The following CRADD variants were observed in gnomAD, a reference collection of about 807,000 sequenced individuals.
The protein encoded by CRADD is death domain-containing protein CRADD.
In CRADD, 9 loss-of-function variants were observed where a neutral mutation model predicts 15.5. That is an observed-to-expected ratio of 0.58 (90% CI 0.35 to 1.01). The LOEUF (loss-of-function observed/expected upper bound fraction) is 1.01, where lower values mean the gene tolerates loss of function less well. CRADD is among the 50% of genes least tolerant of loss of function. The pLI, the probability that CRADD is intolerant of heterozygous loss-of-function variation, is 0.02. For missense variants in CRADD, 227 were observed against 250.3 expected (o/e 0.91, Z 0.63); for synonymous variants, 118 against 107.6 (o/e 1.10, Z -0.60).
intron 2 of CRADD, among the ~76,000 whole-genome samples, chr12:93,803,916 T>C (rs972311488): frequency 2.6e-5 from 4 of 152,124 alleles, no homozygotes; most frequent in Non-Finnish European, 5.9e-5. Context: ...TGCGATGTGA[T>C]GATTTGACCC....
intron 2 of CRADD, among the ~76,000 whole-genome samples, chr12:93,787,094 T>C (rs1159738766): frequency 6.6e-6 from 1 of 151,900 alleles, no homozygotes; most frequent in Non-Finnish European, 1.5e-5. Flanking sequence ...TCTTTGGAAT[T>C]TACTTTTAGA....
chr12:93,731,397 C>T (rs1231287089), intron 2 of CRADD, among the ~76,000 whole-genome samples: 1 of 152,208 alleles, frequency 6.6e-6, no homozygotes, highest in Non-Finnish European at 1.5e-5. Flanking sequence ...TATGTAGGTA[C>T]TTCCTGTACT....
At position 93,823,996 on chromosome 12, in the gene CRADD, T is replaced by G. The variant is rs569038083; in HGVS notation, c.299-25974T>G. On this transcript the variant is annotated intron_variant, in intron 2 of 2. Transcript: ENST00000332896. ...TTGTGGAGAACACAGTGACCCAAAC[T>G]GACAAAATAATGAAATACATGGCGT... Among the ~76,000 whole-genome samples, 3 of 152,338 alleles carry G rather than the reference T, an allele frequency of 2.0e-5. No individual in the cohort carries two copies. In the South Asian group the frequency reaches 6.2e-4, roughly 32 times the overall value.
At chr12:93,846,840 C>T (rs928847455) in intron 2 of CRADD, among the ~76,000 whole-genome samples, 4 of 152,184 alleles carry the variant, frequency 2.6e-5, no homozygotes, top group Admixed American at 1.3e-4. Context: ...GTGGCTCACG[C>T]CTGTAGTCCC....
At chr12:93,749,713 A>G (rs1163165693) in intron 2 of CRADD, among the ~76,000 whole-genome samples, 2 of 152,022 alleles carry the variant, frequency 1.3e-5, no homozygotes, top group Non-Finnish European at 2.9e-5. Context: ...GCTTTCTATT[A>G]TGGGTTTTAT....
chr12:93,742,453 G>T (rs1255574440), intron 2 of CRADD, among the ~76,000 whole-genome samples: 1 of 150,874 alleles, frequency 6.6e-6, no homozygotes, highest in Non-Finnish European at 1.5e-5. Context: ...GGCTGCCTCT[G>T]CGGGCCCCGG....
intron 2 of CRADD, among the ~76,000 whole-genome samples, chr12:93,814,697 A>G (rs965784699): frequency 2.0e-5 from 3 of 152,104 alleles, no homozygotes; most frequent in South Asian, 2.1e-4. Context: ...CCTGCCACCA[A>G]CTCTCTGAGC....
At chr12:93,887,787 G>T (rs1958548289) in intron 2 of CRADD, among the ~76,000 whole-genome samples, 1 of 152,128 alleles carries the variant, frequency 6.6e-6, no homozygotes, top group South Asian at 2.1e-4. Flanking sequence ...AAGGCACAGG[G>T]GATACAAATG....
At chr12:93,888,424 CAA>C (rs36015332) in intron 2 of CRADD, among the ~76,000 whole-genome samples, 3 of 113,130 alleles carry the variant, frequency 2.7e-5, no homozygotes, top group African/African-American at 3.4e-5. Flanking sequence ...GACTCCGTCT[CAA>C]AAAAAAAAAA....
chr12:93,793,607 A>T (rs1277224190), intron 2 of CRADD, among the ~76,000 whole-genome samples: 1 of 152,184 alleles, frequency 6.6e-6, no homozygotes, highest in Non-Finnish European at 1.5e-5. Flanking sequence ...TTTCATAACA[A>T]ATAGTACTTC....
intron 2 of CRADD, among the ~76,000 whole-genome samples, chr12:93,768,902 G>A (rs947928248): frequency 3.9e-5 from 6 of 152,042 alleles, no homozygotes; most frequent in African/African-American, 7.2e-5. Flanking sequence ...GGAACTTTAC[G>A]TAAATGAAAT....
chr12:93,724,189 G>A (rs1443359031), intron 2 of CRADD, among the ~76,000 whole-genome samples: 1 of 152,044 alleles, frequency 6.6e-6, no homozygotes, highest in African/African-American at 2.4e-5. Flanking sequence ...AGGCCAGCCT[G>A]GATAACATAG....
chr12:93,784,609 G>C (rs1476027154), intron 2 of CRADD, among the ~76,000 whole-genome samples: 1 of 151,954 alleles, frequency 6.6e-6, no homozygotes, highest in African/African-American at 2.4e-5. Flanking sequence ...TTCTGTGTCA[G>C]AGCTGTTTTT....
chr12:93,716,081 G>A lies in CRADD; in HGVS notation c.298+37009G>A, dbSNP rs531083637. 3.3e-5 allele frequency among the ~76,000 whole-genome samples: 5 copies of A among 150,898 alleles called. No homozygotes were observed. The East Asian group carries it at 9.8e-4, about 29-fold the overall frequency. The stretch of plus-strand genomic sequence containing the variant: ...CAGGAGGCGGAGGTTGCAGTGAGCT[G>A]AGATTGTGCCACTGCACTCTAGCCT... On this transcript the variant is annotated intron_variant, in intron 2 of 2. Transcript: ENST00000332896.
chr12:93,722,883 C>A (rs1565888008), intron 2 of CRADD, among the ~76,000 whole-genome samples: 1 of 152,018 alleles, frequency 6.6e-6, no homozygotes, highest in Non-Finnish European at 1.5e-5. Context: ...GTAATTTTTT[C>A]TTGATAGCTG....
intron 2 of CRADD, among the ~76,000 whole-genome samples, chr12:93,702,960 T>C (rs1955869081): frequency 6.6e-6 from 1 of 152,230 alleles, no homozygotes; most frequent in African/African-American, 2.4e-5. Context: ...AAATCATTTA[T>C]GTTGTTTTGT....
rs374118660 is a variant in CRADD at position 93,777,065 on chromosome 12, T to A, written c.299-72905T>A. Among the ~76,000 whole-genome samples, 37 of 152,262 alleles carry A rather than the reference T, an allele frequency of 2.4e-4. 1 individual carries two copies. In the South Asian group the frequency reaches 7.5e-3, roughly 31 times the overall value. On this transcript the variant is annotated intron_variant, in intron 2 of 2. Transcript: ENST00000332896. The stretch of plus-strand genomic sequence containing the variant: ...TATGTCATTAAAACTATTTAAAAAA[T>A]AAGTGGTGGCAGAATGCATGGTATA...
intron 2 of CRADD, among the ~76,000 whole-genome samples, chr12:93,831,546 A>G (rs1158170903): frequency 6.6e-6 from 1 of 152,230 alleles, no homozygotes; most frequent in Non-Finnish European, 1.5e-5. Context: ...GTGCAGCTGC[A>G]CGGGGAATGC....
At chr12:93,759,949 ATGG>A (rs1253656240) in intron 2 of CRADD, among the ~76,000 whole-genome samples, 1 of 152,110 alleles carries the variant, frequency 6.6e-6, no homozygotes, top group Non-Finnish European at 1.5e-5. Flanking sequence ...CTCCCATCTG[ATGG>A]TGGGGTGTGG....
Sources: allele counts gnomAD v4.1 joint callset (sites outside exome capture counted in the v4.1 genomes callset), GRCh38; gene constraint gnomAD v4.1.1; transcripts MANE v1.5; gene names NCBI Gene and HGNC (gene_info 2026-07-23, HGNC 2026-07-21).